Variants in FHIT observed in about 807,000 individuals in gnomAD.
The protein encoded by FHIT is fragile histidine triad diadenosine triphosphatase.
A neutral mutation model predicts 17.9 loss-of-function variants in FHIT; 19 were observed. The ratio of observed to expected loss-of-function variants is 1.06; its 90% CI spans 0.74 to 1.56. The LOEUF (loss-of-function observed/expected upper bound fraction) is 1.56, where lower values mean the gene tolerates loss of function less well. FHIT is among the 40% of genes most tolerant of loss of function. The probability of loss-of-function intolerance (pLI) is 0.00; values close to 1 mark genes in which losing one functional copy is unlikely to be tolerated. For synonymous variants in FHIT, 81 were observed against 69.7 expected, an observed-to-expected ratio of 1.16 and a Z score of -0.81; for missense variants, 248 against 189.2, an observed-to-expected ratio of 1.31 and a Z score of -1.82.
intron 5 of FHIT, among the ~76,000 whole-genome samples, chr3:60,181,130 T>G (rs933338922): frequency 1.4e-5 from 2 of 146,986 alleles, no homozygotes; most frequent in Non-Finnish European, 3.0e-5. Context: ...ATTACACAGA[T>G]TACAAATTTT....
At chr3:60,860,312 C>T (rs1348238758) in intron 3 of FHIT, among the ~76,000 whole-genome samples, 1 of 148,492 alleles carries the variant, frequency 6.7e-6, no homozygotes, top group African/African-American at 2.5e-5. Flanking sequence ...CATATGTATA[C>T]ATGAGATACA....
chr3:60,414,556 T>C (rs1009890557), intron 5 of FHIT, among the ~76,000 whole-genome samples: 5 of 152,174 alleles, frequency 3.3e-5, no homozygotes, highest in African/African-American at 1.2e-4. Flanking sequence ...GCTAAGAACC[T>C]GAAAGCAAAT....
At chr3:61,156,946 T>C (rs1474130641) in intron 2 of FHIT, among the ~76,000 whole-genome samples, 1 of 152,186 alleles carries the variant, frequency 6.6e-6, no homozygotes, top group Admixed American at 6.5e-5. Context: ...ACATGCCTAC[T>C]AAAGTTTGGA....
chr3:60,023,906 A>G (rs1482768069), intron 5 of FHIT, among the ~76,000 whole-genome samples: 1 of 152,170 alleles, frequency 6.6e-6, no homozygotes, highest in Non-Finnish European at 1.5e-5. Flanking sequence ...AATGCTCCCC[A>G]AACTGTGGGT....
chr3:60,386,724 G>C (rs1000031414), intron 5 of FHIT, among the ~76,000 whole-genome samples: 6 of 152,148 alleles, frequency 3.9e-5, no homozygotes, highest in Admixed American at 3.3e-4. Context: ...CTGCAAAAGA[G>C]CAGTACCTAA....
At chr3:60,284,514 C>T (rs1335974757) in intron 5 of FHIT, among the ~76,000 whole-genome samples, 1 of 152,028 alleles carries the variant, frequency 6.6e-6, no homozygotes, top group African/African-American at 2.4e-5. Context: ...CATGAGTTTT[C>T]ACTATTTTAA....
At chr3:60,359,822 T>G (rs1034024220) in intron 5 of FHIT, among the ~76,000 whole-genome samples, 37 of 152,068 alleles carry the variant, frequency 2.4e-4, no homozygotes, top group Admixed American at 1.8e-3. Flanking sequence ...GGTCCCAAGA[T>G]AATAGAATTT....
chr3:60,526,388 C>G (rs1172988162), intron 5 of FHIT, among the ~76,000 whole-genome samples: 1 of 152,096 alleles, frequency 6.6e-6, no homozygotes, highest in South Asian at 2.1e-4. Context: ...CTGGAGAGGC[C>G]AGCACCTCAG....
chr3:59,919,519 T>A (rs371658250), intron 8 of FHIT, among the ~76,000 whole-genome samples: 1 of 152,298 alleles, frequency 6.6e-6, no homozygotes, highest in South Asian at 2.1e-4. Flanking sequence ...CACCATCAAT[T>A]AGTCTCCAAA....
rs1463682716 is a variant in FHIT, at chr3:60,078,438, C to T, written c.104-64286G>A. Among the ~76,000 whole-genome samples, 3 of 152,192 alleles carry T rather than the reference C, an allele frequency of 2.0e-5. No homozygotes were observed. In the South Asian group the frequency reaches 6.2e-4, roughly 32 times the overall value. On this transcript the variant is annotated intron_variant, in intron 5 of 9. Transcript: ENST00000492590. The stretch of plus-strand genomic sequence containing the variant: ...AGACAAACTCAAATTAAGAAACATT[C>T]TGAAAAGCAATAGGCTGTGCTTTTC...
chr3:60,502,977 T>C (rs2034582078), intron 5 of FHIT, among the ~76,000 whole-genome samples: 1 of 152,202 alleles, frequency 6.6e-6, no homozygotes, highest in South Asian at 2.1e-4. Flanking sequence ...TGTAGCTGAA[T>C]ACTGAATATT....
chr3:60,753,972 A>G (rs782622910), intron 4 of FHIT, among the ~76,000 whole-genome samples: 2 of 152,128 alleles, frequency 1.3e-5, no homozygotes, highest in Non-Finnish European at 2.9e-5. Context: ...TTAAAAGGCA[A>G]CTCAACAAGC....
intron 8 of FHIT, among the ~76,000 whole-genome samples, chr3:59,757,857 T>C (rs1701298915): frequency 6.6e-6 from 1 of 152,218 alleles, no homozygotes; most frequent in South Asian, 2.1e-4. Context: ...TTTTTTTAGA[T>C]CTGATCCTCT....
At position 59,747,995 on chromosome 3, in the gene FHIT, C is replaced by T. The variant is rs545527081; in HGVS notation, c.*1590G>A. Among the ~76,000 whole-genome samples the T allele has an allele frequency of 6.6e-6, 1 of 152,168 alleles. No homozygotes were observed. The highest frequency in any genetic ancestry group is 6.5e-5 in the Admixed American group (1 of 15,288). The stretch of plus-strand genomic sequence containing the variant: ...ATTCTCTTTAATCCTTCTGAATATG[C>T]CAAATGGAGAGTTTCGGTTTGGTGC... On this transcript the variant is annotated 3_prime_UTR_variant, in exon 10 of 10. Transcript: ENST00000492590.
chr3:59,862,706 C>T (rs1024402775), intron 8 of FHIT, among the ~76,000 whole-genome samples: 2 of 152,168 alleles, frequency 1.3e-5, no homozygotes, highest in Non-Finnish European at 2.9e-5. Flanking sequence ...CAGAAATCAC[C>T]ACTAGTGGAG....
intron 5 of FHIT, among the ~76,000 whole-genome samples, chr3:60,351,126 G>A (rs116217861): frequency 6.0e-4 from 92 of 152,230 alleles, no homozygotes; most frequent in Non-Finnish European, 1.1e-3. Flanking sequence ...TGACTCACAT[G>A]AACTATGAGA....
intron 5 of FHIT, among the ~76,000 whole-genome samples, chr3:60,445,488 A>G (rs2031266306): frequency 6.6e-6 from 1 of 152,162 alleles, no homozygotes; most frequent in African/African-American, 2.4e-5. Flanking sequence ...GAAGAAAAAA[A>G]AAAGAAACAA....
At chr3:60,750,086 G>A (rs1468960063) in intron 4 of FHIT, among the ~76,000 whole-genome samples, 1 of 152,076 alleles carries the variant, frequency 6.6e-6, no homozygotes, top group African/African-American at 2.4e-5. Context: ...AAGGCATGTT[G>A]CCTCACTCAG....
At chr3:59,989,680 T>C (rs1464339397) in intron 7 of FHIT, among the ~76,000 whole-genome samples, 3 of 152,060 alleles carry the variant, frequency 2.0e-5, no homozygotes, top group Non-Finnish European at 2.9e-5. Context: ...AACATCTGCA[T>C]TGAGTTGGGT....
Sources: allele counts gnomAD v4.1 joint callset (sites outside exome capture counted in the v4.1 genomes callset), GRCh38; gene constraint gnomAD v4.1.1; transcripts MANE v1.5; gene names NCBI Gene and HGNC (gene_info 2026-07-23, HGNC 2026-07-21).